LAMA3: variants seen among roughly 807,000 people sequenced by gnomAD.
The protein encoded by LAMA3 is laminin subunit alpha-3.
In LAMA3, 281 loss-of-function variants were observed where a neutral mutation model predicts 402.0. The ratio of observed to expected loss-of-function variants is 0.70; its 90% CI spans 0.63 to 0.77. The LOEUF is 0.77. LAMA3 is among the 30% of genes least tolerant of loss of function. LAMA3 has a pLI of 0.00. For missense variants in LAMA3, 3,840 were observed against 4,215.5 expected (o/e 0.91, Z 2.47); for synonymous variants, 1,431 against 1,558.4 (o/e 0.92, Z 1.93).
At chr18:23,951,367 AG>A (rs201963753) in intron 72 of LAMA3, among the ~76,000 whole-genome samples, 2,417 of 152,322 alleles carry the variant, frequency 0.016, 253 homozygotes, top group Admixed American at 0.15. Context: ...TTAATTGCTA[AG>A]GAGGATTCCA....
chr18:23,831,262 A>T (rs12965616), intron 23 of LAMA3, among the ~76,000 whole-genome samples: 71,945 of 152,026 alleles, frequency 0.47, 19,246 homozygotes, highest in Non-Finnish European at 0.62. Context: ...TGCTCTTAGG[A>T]TAGAGACAAA....
chr18:23,689,947 C>A lies in LAMA3; in HGVS notation c.264C>A (p.Pro88=). The change falls in exon 1 of 75, where the codon CCC becomes CCA. Residue 88 remains proline, a synonymous_variant. Coordinates refer to ENST00000313654, the MANE Select transcript of LAMA3 (RefSeq NM_198129.4). ...TCTACTGCAAGTTGGTCGGGGGCCC[C>A]ACCGCCCCAGGCAGCGGCCACACCA... ...PELYCKLVGG[P]TAPGSGHTIQ... is the part of the protein sequence containing the mutation. 1 of 1,521,850 alleles carries A rather than the reference C, an allele frequency of 6.6e-7. No individual in the cohort carries two copies. The allele number at this position is 1,521,850 out of a possible 1,614,324, so 94.3% of individuals were successfully genotyped here.
chr18:23,788,199 A>G (rs1036259051), intron 12 of LAMA3, among the ~76,000 whole-genome samples: 2 of 151,938 alleles, frequency 1.3e-5, no homozygotes, highest in African/African-American at 2.4e-5. Context: ...TAGAAAACAT[A>G]GATTATATAA....
At chr18:23,787,173 T>G (rs545233277) in intron 12 of LAMA3, among the ~76,000 whole-genome samples, 1 of 152,072 alleles carries the variant, frequency 6.6e-6, no homozygotes, top group Non-Finnish European at 1.5e-5. Flanking sequence ...TCCCAGCTAC[T>G]TGGGAGGCTG....
rs1207027529 is a variant in LAMA3 at position 23,904,104 on chromosome 18, G to T, written c.6473+17G>T. 8.7e-6 allele frequency: 14 copies of T among 1,612,848 alleles called. No homozygotes were observed. Among genetic ancestry groups the T allele is most frequent in the Non-Finnish European group, 1.0e-5 (12 of 1,179,858 alleles). On this transcript the variant is annotated intron_variant, in intron 50 of 74. Coordinates refer to ENST00000313654, the MANE Select transcript of LAMA3 (RefSeq NM_198129.4). Reference sequence around the variant, plus strand: ...GCTGGAAGAGTGAGTGCATGGCCCAGGAGACCAGAAGGGCACGTGGGCTGA... The same window carrying T: ...GCTGGAAGAGTGAGTGCATGGCCCATGAGACCAGAAGGGCACGTGGGCTGA...
chr18:23,782,687 A>G (rs967954786), intron 11 of LAMA3, among the ~76,000 whole-genome samples: 9 of 152,198 alleles, frequency 5.9e-5, no homozygotes, highest in African/African-American at 1.7e-4. Context: ...TATTTTTAGT[A>G]TAATAGAAAG....
At chr18:23,693,530 C>CAA (rs34337453) in intron 1 of LAMA3, among the ~76,000 whole-genome samples, 5,435 of 113,124 alleles carry the variant, frequency 0.048, 329 homozygotes, top group African/African-American at 0.15. Context: ...GACTCTGTAT[C>CAA]AAAAAAAAAA....
Position 23,953,001 on chromosome 18 carries a change from C to G in LAMA3, c.9748C>G (p.Gln3250Glu). Residue 3250 changes from glutamine (Q) to glutamate (E), a missense_variant, in exon 74 of 75, where the codon CAA becomes GAA. Coordinates refer to ENST00000313654, the MANE Select transcript of LAMA3 (RefSeq NM_198129.4). ...CCTCCTTTCCCCAGTCACCATAAAA[C>G]AACACATCCTGCACCTGGAACTGGA... is the stretch of plus-strand genomic sequence containing the variant. ...QWHSVAVTIK[Q>E]HILHLELDTD... 1 of 1,614,136 alleles carries G rather than the reference C, an allele frequency of 6.2e-7. No homozygotes were observed. The highest frequency in any genetic ancestry group is 2.2e-5 in the East Asian group (1 of 44,878).
At chr18:23,803,601 C>A (rs957277784) in intron 12 of LAMA3, among the ~76,000 whole-genome samples, 1 of 152,198 alleles carries the variant, frequency 6.6e-6, no homozygotes, top group Admixed American at 6.5e-5. Flanking sequence ...CCTGGCCATC[C>A]AGTCAAAGAA....
intron 1 of LAMA3, chr18:23,710,322 T>G (rs1390489926): frequency 6.4e-6 from 3 of 465,932 alleles, no homozygotes; most frequent in Middle Eastern, 6.3e-4. Context: ...TTTTCAAAAG[T>G]ATTGTCAGGT....
chr18:23,762,862 T>A (rs9304374), intron 7 of LAMA3, among the ~76,000 whole-genome samples: 79,907 of 122,112 alleles, frequency 0.65, 23,082 homozygotes, highest in Admixed American at 0.7. Context: ...ATATATATAT[T>A]TTTTTTTTTT....
At chr18:23,699,227 CTGT>C (rs765244627) in intron 1 of LAMA3, among the ~76,000 whole-genome samples, 5 of 152,224 alleles carry the variant, frequency 3.3e-5, no homozygotes, top group East Asian at 1.9e-4. Flanking sequence ...AGCCACATGA[CTGT>C]TGTTGTTACA....
At chr18:23,770,254 T>C (rs1016092931) in intron 8 of LAMA3, among the ~76,000 whole-genome samples, 3 of 152,140 alleles carry the variant, frequency 2.0e-5, no homozygotes, top group Non-Finnish European at 4.4e-5. Context: ...TAAAAACTTC[T>C]GCTCAAAACA....
chr18:23,939,648 T>C (rs1466116751), intron 68 of LAMA3, among the ~76,000 whole-genome samples: 1 of 152,246 alleles, frequency 6.6e-6, no homozygotes, highest in Non-Finnish European at 1.5e-5. Flanking sequence ...TTAGAATTGA[T>C]GGTGTTCTAA....
chr18:23,750,570 G>T lies in LAMA3; in HGVS notation c.685-348G>T, dbSNP rs368181229. On this transcript the variant is annotated intron_variant, in intron 4 of 74. Transcript: ENST00000313654. ...TGTTTCTTTGATGCAGCTTAAGAAA[G>T]TTGTGTCCTTATATTTACAGGTTTT... Among the ~76,000 whole-genome samples the T allele has an allele frequency of 8.4e-4, 126 of 149,394 alleles. 3 individuals carry two copies. In the South Asian group the frequency reaches 0.027, roughly 32 times the overall value.
chr18:23,773,126 C>T (rs1020020560), intron 8 of LAMA3, among the ~76,000 whole-genome samples: 1 of 152,180 alleles, frequency 6.6e-6, no homozygotes, highest in African/African-American at 2.4e-5. Flanking sequence ...TTAAACTGTG[C>T]GATTCATTAT....
chr18:23,845,486 G>A (rs2144620729), intron 30 of LAMA3, among the ~76,000 whole-genome samples: 1 of 152,324 alleles, frequency 6.6e-6, no homozygotes, highest in Non-Finnish European at 1.5e-5. Flanking sequence ...AAGGACATCA[G>A]CCCTGAGTCC....
Position 23,845,073 on chromosome 18 carries a change from A to G in LAMA3, c.3668A>G (p.Asp1223Gly). 2 of 1,613,540 alleles carry G rather than the reference A, an allele frequency of 1.2e-6. No homozygotes were observed. Residue 1223 changes from aspartate (D) to glycine (G), a missense_variant, in exon 30 of 75, where the codon GAC becomes GGC. Transcript: ENST00000313654. ...DYQILHKKSM[D>G]KSLEFITNCG... ...CAAATACTTCACAAAAAATCCATGG[A>G]CAAGTCACTCGAGTTTATCACCAAT...
chr18:23,938,824 A>C (rs1049280107), intron 67 of LAMA3, among the ~76,000 whole-genome samples: 10 of 151,824 alleles, frequency 6.6e-5, no homozygotes, highest in African/African-American at 2.4e-4. Context: ...TCCCCAAAGG[A>C]GGGAGAGAAA....
Sources: gnomAD v4.1 joint callset for allele counts (sites outside exome capture counted in the v4.1 genomes callset) on GRCh38, gnomAD v4.1.1 for gene constraint, MANE v1.5 for transcripts, NCBI Gene and HGNC (gene_info 2026-07-23, HGNC 2026-07-21) for gene names.